The following ELMOD3 variants were observed in gnomAD, a reference collection of about 807,000 sequenced individuals.
ELMOD3 encodes ELMO domain containing 3, also known as ELMO domain-containing protein 3.
Under a neutral mutation model 47.4 loss-of-function variants are expected in ELMOD3, and 36 were observed. The observed-to-expected ratio is 0.76, with a 90% CI of 0.58 to 1.00. ELMOD3 has a LOEUF of 1.00. Ranked by LOEUF, ELMOD3 falls within the 50% of genes least tolerant of loss-of-function variation. The pLI, the probability that ELMOD3 is intolerant of heterozygous loss-of-function variation, is 0.00. For synonymous variants in ELMOD3, 149 were observed against 183.5 expected (o/e 0.81, Z 1.52); for missense variants, 404 against 463.8 (o/e 0.87, Z 1.18).
At chr2:85,389,698 G>A in intron 11 of ELMOD3, 53 bp from the exon 12 acceptor site, 4 of 1,526,146 alleles carry the variant, frequency 2.6e-6, no homozygotes, top group Non-Finnish European at 3.6e-6. Context: ...GCAGATGACA[G>A]GAAACACAGT....
At chr2:85,371,588 C>T in intron 10 of ELMOD3, 26 bp downstream of exon 10, 1 of 1,613,370 alleles carries the variant, frequency 6.2e-7, no homozygotes, top group Non-Finnish European at 8.5e-7. Flanking sequence ...AGCTCATCTT[C>T]TTTTTCATGC....
intron 11 of ELMOD3, among the ~76,000 whole-genome samples, chr2:85,383,808 A>G (rs1685748025): frequency 6.6e-6 from 1 of 152,190 alleles, no homozygotes; most frequent in African/African-American, 2.4e-5. Context: ...CCAAAATGTG[A>G]ACCCTGAAAA....
chr2:85,371,222 C>A lies in ELMOD3; in HGVS notation c.484+13C>A, dbSNP rs373275031. On this transcript the variant is annotated intron_variant, in intron 9 of 13. Coordinates refer to ENST00000409013, the MANE Select transcript of ELMOD3 (RefSeq NM_001135022.2). ...ACCATTGCTCAGTGTGAGTGCAATG[C>A]GAGCCCACAGGGCAGTTGCTGCATC... is the stretch of plus-strand genomic sequence containing the variant. 1 of 1,614,224 alleles carries A rather than the reference C, an allele frequency of 6.2e-7. No individual in the cohort carries two copies. Among genetic ancestry groups the A allele is most frequent in the Non-Finnish European group, 8.5e-7 (1 of 1,180,026 alleles).
At position 85,368,899 on chromosome 2, in the gene ELMOD3, A is replaced by C. The variant is rs570693706; in HGVS notation, c.268+145A>C. On this transcript the variant is annotated intron_variant, in intron 7 of 13. Coordinates refer to ENST00000409013, the MANE Select transcript of ELMOD3 (RefSeq NM_001135022.2). ...ATTTTAACTATATAACATAGATTAC[A>C]GTACCTTTTTCAAATCCTAAGATGA... The C allele has an allele frequency of 1.1e-5, 9 of 820,366 alleles. No individual in the cohort carries two copies. The East Asian group carries it at 2.4e-4, about 22-fold the overall frequency. The allele number at this position is 820,366 out of a possible 1,614,324, so 50.8% of individuals were successfully genotyped here.
At chr2:85,387,066 T>C (rs1384518314) in intron 11 of ELMOD3, 1 of 1,298,484 alleles carries the variant, frequency 7.7e-7, no homozygotes, top group African/African-American at 1.5e-5. Context: ...ATAATGTTGT[T>C]ACCATACTGT....
Position 85,354,819 on chromosome 2 carries a change from C to T in ELMOD3, c.-382C>T, listed in dbSNP as rs990311278. The T allele has an allele frequency of 2.1e-5, 6 of 282,606 alleles. No homozygotes were observed. Among genetic ancestry groups the T allele is most frequent in the African/African-American group, 1.3e-4 (6 of 45,074 alleles). The allele number at this position is 282,606 out of a possible 1,614,324, so 17.5% of individuals were successfully genotyped here. On this transcript the variant is annotated 5_prime_UTR_variant, in exon 1 of 14. Transcript: ENST00000409013. ...CGGCGGGACCCCCAAGTTTGGAAAG[C>T]TCTTTTAACGGTGAGAACGCGTTAA...
At chr2:85,378,768 T>C (rs1417316929) in intron 11 of ELMOD3, among the ~76,000 whole-genome samples, 1 of 152,238 alleles carries the variant, frequency 6.6e-6, no homozygotes, top group Non-Finnish European at 1.5e-5. Flanking sequence ...CCCCTTTTCT[T>C]TTTTAAAATC....
rs1686311757 is a variant in ELMOD3, at chr2:85,390,983, T to TTTA, written c.*22_*23insTAT. Reference sequence around the variant, plus strand: ...TCTGACCTCCGAGATGAATGGAGGCTTAAAGGCTGAGCTGCAGGGGCTTTC... The same window carrying TTTA: ...TCTGACCTCCGAGATGAATGGAGGCTTTATAAAGGCTGAGCTGCAGGGGCTTTC... On this transcript the variant is annotated 3_prime_UTR_variant, in exon 14 of 14. Coordinates refer to ENST00000409013, the MANE Select transcript of ELMOD3 (RefSeq NM_001135022.2). 1.3e-6 allele frequency: 2 copies of TTTA among 1,544,536 alleles called. No individual in the cohort carries two copies. The highest frequency in any genetic ancestry group is 4.9e-5 in the East Asian group (2 of 40,722).
rs534038269 is a variant in ELMOD3 at position 85,379,803 on chromosome 2, A to C, written c.738+2329A>C. 1.7e-4 allele frequency among the ~76,000 whole-genome samples: 26 copies of C among 152,334 alleles called. No individual in the cohort carries two copies. In the East Asian group the frequency reaches 4.4e-3, roughly 26 times the overall value. On this transcript the variant is annotated intron_variant, in intron 11 of 13. Transcript: ENST00000409013. The stretch of plus-strand genomic sequence containing the variant: ...CTTTGATGGAACTTTGTTATATAGA[A>C]GGAATCTCAGGCAAGACTTTTTTTT...
chr2:85,374,675 G>T (rs1366606312), intron 10 of ELMOD3, among the ~76,000 whole-genome samples: 1 of 152,052 alleles, frequency 6.6e-6, no homozygotes, highest in Non-Finnish European at 1.5e-5. Context: ...AGCCAGGTGT[G>T]GTGGCGCATG....
rs376021304 is a variant in ELMOD3, at chr2:85,369,821, C to T, written c.351C>T (p.Ser117=). Residue 117 remains serine (S), a synonymous_variant, in exon 8 of 14, where the codon TCC becomes TCT. Transcript: ENST00000409013. ...AGCACTTCCAGACTGTGGACCTTTC[C>T]CCCTTCAAGGTATGAGGGTAGCAGG... The part of the protein sequence containing the change: ...ALQHFQTVDL[S]PFKKRIQPTI... 3 of 1,613,972 alleles carry T rather than the reference C, an allele frequency of 1.9e-6. No homozygotes were observed. In the African/African-American group the frequency reaches 4.0e-5, roughly 22 times the overall value.
intron 6 of ELMOD3, 33 bp downstream of exon 6, chr2:85,363,199 G>T: frequency 1.5e-6 from 2 of 1,346,604 alleles, no homozygotes; most frequent in South Asian, 2.4e-5. Flanking sequence ...TGGAGTCTGG[G>T]TGGGACCCAA....
intron 11 of ELMOD3, chr2:85,389,405 T>G: frequency 1.6e-5 from 5 of 317,390 alleles, no homozygotes; most frequent in Non-Finnish European, 3.0e-5. Context: ...CAGGAGATGA[T>G]GTGGGCCCAG....
At position 85,391,013 on chromosome 2, in the gene ELMOD3, G is replaced by A; in HGVS notation, c.*51G>A. On this transcript the variant is annotated 3_prime_UTR_variant, in exon 14 of 14. Transcript: ENST00000409013. ...GGCTGAGCTGCAGGGGCTTTCAGGG[G>A]GTCAGTGGAGCCATGTCAGGAGCCT... 6.6e-7 allele frequency: 1 copy of A among 1,507,118 alleles called. No individual in the cohort carries two copies. Among genetic ancestry groups the A allele is most frequent in the Non-Finnish European group, 9.0e-7 (1 of 1,114,584 alleles). 93.4% of individuals were successfully genotyped at this position (1,507,118 alleles called of 1,614,324 possible). A position where few individuals can be genotyped will look rare whatever the true frequency, so the allele number is the denominator to read the frequency against.
intron 6 of ELMOD3, among the ~76,000 whole-genome samples, chr2:85,365,275 G>A (rs1370972058): frequency 1.3e-5 from 2 of 151,314 alleles, no homozygotes; most frequent in East Asian, 1.9e-4. Flanking sequence ...ACTTGAACCC[G>A]GGAGGCAGAG....
At chr2:85,357,894 A>G (rs1018956501) in intron 4 of ELMOD3, among the ~76,000 whole-genome samples, 14 of 152,244 alleles carry the variant, frequency 9.2e-5, no homozygotes, top group African/African-American at 3.1e-4. Flanking sequence ...AGCACAATGA[A>G]TCACCAAATA....
chr2:85,387,493 C>G (rs1391904327), intron 11 of ELMOD3, among the ~76,000 whole-genome samples: 1 of 151,956 alleles, frequency 6.6e-6, no homozygotes, highest in African/African-American at 2.4e-5. Context: ...GAAACCCTGT[C>G]TCTACTCAAA....
In ELMOD3 at chr2:85,357,192, T is replaced by G. The variant is rs372534650; in HGVS notation, c.-7T>G. ...ACAAAGCTCACATGAACAAATGATTTTGAGTCATGAATGAAAAATCTTGCT... is the reference window on the plus strand; with the variant it reads ...ACAAAGCTCACATGAACAAATGATTGTGAGTCATGAATGAAAAATCTTGCT... On this transcript the variant is annotated 5_prime_UTR_variant, in exon 4 of 14. Transcript: ENST00000409013. The G allele has an allele frequency of 6.2e-7, 1 of 1,605,368 alleles. No homozygotes were observed. The highest frequency in any genetic ancestry group is 2.2e-5 in the East Asian group (1 of 44,546).
chr2:85,371,629 G>C, intron 10 of ELMOD3, 67 bp downstream of exon 10: 1 of 1,599,568 alleles, frequency 6.3e-7, no homozygotes, highest in South Asian at 1.1e-5. Flanking sequence ...TGAGAGGCCA[G>C]GTCGTTCTCT....
Sources: allele counts gnomAD v4.1 joint callset (sites outside exome capture counted in the v4.1 genomes callset), GRCh38; gene constraint gnomAD v4.1.1; transcripts MANE v1.5; gene names NCBI Gene and HGNC (gene_info 2026-07-23, HGNC 2026-07-21).